Variants in ERC2 observed in about 807,000 individuals in gnomAD.
ERC2 encodes ERC protein 2.
In ERC2, 42 loss-of-function variants were observed where a neutral mutation model predicts 114.8. That is an observed-to-expected ratio of 0.37 (90% confidence interval 0.29 to 0.47). The LOEUF is 0.47. Ranked by LOEUF, ERC2 falls within the 20% of genes least tolerant of loss-of-function variation. The pLI, the probability that ERC2 is intolerant of heterozygous loss-of-function variation, is 0.99. For missense variants in ERC2, 939 were observed against 1,150.7 expected (o/e 0.82, Z 2.66); for synonymous variants, 454 against 425.5 (o/e 1.07, Z -0.82).
intron 14 of ERC2, among the ~76,000 whole-genome samples, chr3:55,828,055 CTGTGACCGTCTGGAAAAATCA>C (rs2060406265): frequency 6.6e-6 from 1 of 152,238 alleles, no homozygotes; most frequent in Non-Finnish European, 1.5e-5. Context: ...GTGCTACCAA[CTGTGACCGTCTGGAAAAATCA>C]CGTAAGTACA....
chr3:55,597,232 A>C (rs1328336570), intron 17 of ERC2, among the ~76,000 whole-genome samples: 2 of 152,118 alleles, frequency 1.3e-5, no homozygotes, highest in Non-Finnish European at 2.9e-5. Context: ...CATCCTGACT[A>C]ACATGGTGAA....
intron 17 of ERC2, among the ~76,000 whole-genome samples, chr3:55,560,890 A>G (rs2055968099): frequency 6.6e-6 from 1 of 152,210 alleles, no homozygotes; most frequent in Non-Finnish European, 1.5e-5. Context: ...GCAGAATATT[A>G]GGTCACTGTC....
At chr3:55,978,537 C>A (rs2069785685) in intron 12 of ERC2, among the ~76,000 whole-genome samples, 1 of 152,222 alleles carries the variant, frequency 6.6e-6, no homozygotes, top group South Asian at 2.1e-4. Context: ...ACTCCCTACT[C>A]TCACCTGTTA....
At chr3:56,106,792 A>G (rs1312251576) in intron 6 of ERC2, among the ~76,000 whole-genome samples, 2 of 152,156 alleles carry the variant, frequency 1.3e-5, no homozygotes, top group Admixed American at 1.3e-4. Context: ...AGTCACTGGA[A>G]ATATTTCCAG....
At chr3:55,719,785 C>T (rs1445089015) in intron 15 of ERC2, among the ~76,000 whole-genome samples, 4 of 152,076 alleles carry the variant, frequency 2.6e-5, no homozygotes, top group African/African-American at 9.7e-5. Context: ...ACAGGCTTTT[C>T]CTGGAAGCCA....
intron 17 of ERC2, among the ~76,000 whole-genome samples, chr3:55,556,516 C>A (rs565281110): frequency 4.9e-4 from 75 of 152,304 alleles, no homozygotes; most frequent in African/African-American, 1.8e-3. Context: ...CCAATCACAG[C>A]ATCACATTCT....
chr3:55,995,869 C>A (rs1452292344), intron 10 of ERC2, among the ~76,000 whole-genome samples: 2 of 152,158 alleles, frequency 1.3e-5, no homozygotes, highest in Non-Finnish European at 2.9e-5. Context: ...AAAGCCAATG[C>A]TTCCTTCAAA....
At chr3:56,148,842 A>T in intron 5 of ERC2, 135 bp downstream of exon 5, 1 of 765,914 alleles carries the variant, frequency 1.3e-6, no homozygotes, top group South Asian at 3.2e-5. Flanking sequence ...AATCTTCCGC[A>T]TTCTACTTTG....
intron 3 of ERC2, among the ~76,000 whole-genome samples, chr3:56,218,820 T>C (rs1162351214): frequency 6.6e-6 from 1 of 152,096 alleles, no homozygotes; most frequent in African/African-American, 2.4e-5. Context: ...TAAAAAATGA[T>C]GAGTTCATGT....
chr3:56,340,887 C>CTT (rs2058063288), intron 2 of ERC2, among the ~76,000 whole-genome samples: 7 of 152,004 alleles, frequency 4.6e-5, no homozygotes, highest in Admixed American at 4.6e-4. Flanking sequence ...AGGAGAAAGA[C>CTT]CTCCTCCCAA....
At chr3:56,245,670 A>C (rs1252549735) in intron 3 of ERC2, among the ~76,000 whole-genome samples, 1 of 151,720 alleles carries the variant, frequency 6.6e-6, no homozygotes, top group Admixed American at 6.6e-5. Context: ...CAGCCTCCCC[A>C]GTAGCTGGGA....
chr3:56,152,428 C>T (rs910859711), intron 4 of ERC2, among the ~76,000 whole-genome samples: 3 of 147,418 alleles, frequency 2.0e-5, no homozygotes, highest in South Asian at 4.3e-4. Flanking sequence ...GGGGGGGGGG[C>T]GCTAAATATC....
chr3:56,084,575 C>A (rs1333743490), intron 6 of ERC2, among the ~76,000 whole-genome samples: 1 of 152,018 alleles, frequency 6.6e-6, no homozygotes, highest in Non-Finnish European at 1.5e-5. Context: ...TTCACTTAGG[C>A]CATCATTCTA....
At chr3:55,996,350 C>T (rs1053224564) in intron 10 of ERC2, among the ~76,000 whole-genome samples, 9 of 152,054 alleles carry the variant, frequency 5.9e-5, no homozygotes, top group African/African-American at 1.9e-4. Flanking sequence ...GCAAGCTCAT[C>T]GTCACTTTCA....
intron 15 of ERC2, among the ~76,000 whole-genome samples, chr3:55,710,604 T>C (rs1367972761): frequency 2.0e-5 from 3 of 152,208 alleles, no homozygotes; most frequent in African/African-American, 7.2e-5. Flanking sequence ...TCTGTGACCC[T>C]GAAGTTGAAA....
intron 3 of ERC2, among the ~76,000 whole-genome samples, chr3:56,227,613 T>C (rs2050336050): frequency 6.6e-6 from 1 of 152,210 alleles, no homozygotes; most frequent in African/African-American, 2.4e-5. Context: ...TCCACCCTAC[T>C]CTTTCTTGTG....
At chr3:55,952,145 AC>A (rs1325792834) in intron 12 of ERC2, among the ~76,000 whole-genome samples, 2,238 of 51,004 alleles carry the variant, frequency 0.044, 205 homozygotes, top group Non-Finnish European at 0.068. Flanking sequence ...AAACACACAC[AC>A]ACACACACAC....
intron 12 of ERC2, among the ~76,000 whole-genome samples, chr3:55,957,154 AT>A (rs1198568933): frequency 6.6e-6 from 1 of 151,896 alleles, no homozygotes; most frequent in Non-Finnish European, 1.5e-5. Context: ...GGGAAAGACA[AT>A]TTTAGCCTCC....
chr3:55,853,913 ATT>A, intron 14 of ERC2, among the ~76,000 whole-genome samples: 1 of 152,252 alleles, frequency 6.6e-6, no homozygotes, highest in African/African-American at 2.4e-5. Flanking sequence ...AAAATGATAA[ATT>A]TTATGTTACA....
Sources: allele counts gnomAD v4.1 joint callset (sites outside exome capture counted in the v4.1 genomes callset), GRCh38; gene constraint gnomAD v4.1.1; transcripts MANE v1.5; gene names NCBI Gene and HGNC (gene_info 2026-07-23, HGNC 2026-07-21).